Variants in BRF1 observed in about 807,000 individuals in gnomAD.
BRF1 encodes the protein BRF1 general transcription factor IIIB subunit.
In BRF1, 59 loss-of-function variants were observed where a neutral mutation model predicts 81.7. The observed-to-expected ratio is 0.72, with a 90% CI of 0.59 to 0.90. The LOEUF (loss-of-function observed/expected upper bound fraction) is 0.90. Ranked by LOEUF, BRF1 falls within the 40% of genes least tolerant of loss-of-function variation. The pLI is 0.00. For synonymous variants in BRF1, 491 were observed against 395.6 expected, an observed-to-expected ratio of 1.24 and a Z score of -2.86; for missense variants, 1,050 against 936.3, an observed-to-expected ratio of 1.12 and a Z score of -1.58.
At chr14:105,258,713 T>A (rs1414894331) in intron 3 of BRF1, among the ~76,000 whole-genome samples, 1 of 149,364 alleles carries the variant, frequency 6.7e-6, no homozygotes, top group Admixed American at 6.7e-5. Context: ...GTGGGAGAAT[T>A]GCTTGAACCC....
intron 6 of BRF1, among the ~76,000 whole-genome samples, chr14:105,240,993 C>T (rs12587581): frequency 1.3e-5 from 2 of 152,332 alleles, no homozygotes; most frequent in African/African-American, 2.4e-5. Flanking sequence ...CCCATGCAGC[C>T]GCACCCCAGA....
intron 15 of BRF1, among the ~76,000 whole-genome samples, chr14:105,215,798 A>G (rs1344699425): frequency 6.9e-6 from 1 of 145,752 alleles, no homozygotes; most frequent in Non-Finnish European, 1.5e-5. Context: ...ACATGCACAC[A>G]CACTGCATAC....
intron 6 of BRF1, among the ~76,000 whole-genome samples, chr14:105,240,894 C>T (rs1247927754): frequency 3.3e-5 from 5 of 151,230 alleles, no homozygotes; most frequent in African/African-American, 9.8e-5. Flanking sequence ...GTGGCACCCT[C>T]AGGAGCAACA....
At chr14:105,281,969 C>T (rs754689927) in intron 2 of BRF1, among the ~76,000 whole-genome samples, 2 of 152,094 alleles carry the variant, frequency 1.3e-5, no homozygotes, top group African/African-American at 4.8e-5. Flanking sequence ...CTGAGAAACG[C>T]GTCCCAAACG....
chr14:105,290,542 G>C (rs2057472468), intron 1 of BRF1, among the ~76,000 whole-genome samples: 1 of 152,180 alleles, frequency 6.6e-6, no homozygotes, highest in Non-Finnish European at 1.5e-5. Flanking sequence ...GCTTCTGACA[G>C]AACAGGGCCA....
At chr14:105,223,647 G>C (rs1892648484) in intron 10 of BRF1, among the ~76,000 whole-genome samples, 1 of 152,346 alleles carries the variant, frequency 6.6e-6, no homozygotes, top group South Asian at 2.1e-4. Flanking sequence ...GGCAGGAGGG[G>C]GGGTGGTGAC....
At chr14:105,223,393 G>A (rs1595291354) in intron 10 of BRF1, among the ~76,000 whole-genome samples, 3 of 152,080 alleles carry the variant, frequency 2.0e-5, no homozygotes, top group South Asian at 4.1e-4. Context: ...AAGGACTACC[G>A]ACTGCCACAC....
intron 15 of BRF1, 115 bp downstream of exon 15, chr14:105,217,429 C>T: frequency 6.6e-7 from 1 of 1,505,834 alleles, no homozygotes; most frequent in Non-Finnish European, 9.0e-7. Flanking sequence ...GCAAATGCCA[C>T]TCCAGGCACT....
chr14:105,270,323 G>A (rs1226290164), intron 3 of BRF1, among the ~76,000 whole-genome samples: 2 of 151,866 alleles, frequency 1.3e-5, no homozygotes, highest in South Asian at 2.1e-4. Context: ...ACAGGAGCCT[G>A]CCACCACGCC....
chr14:105,248,067 C>T (rs1327719594), intron 5 of BRF1: 6 of 985,392 alleles, frequency 6.1e-6, no homozygotes, highest in Non-Finnish European at 7.2e-6. Context: ...CTTCAGCGCG[C>T]GACTAACCTC....
chr14:105,292,918 A>C (rs2057581604), intron 1 of BRF1, among the ~76,000 whole-genome samples: 1 of 151,820 alleles, frequency 6.6e-6, no homozygotes, highest in South Asian at 2.1e-4. Flanking sequence ...TCCCCAGGCC[A>C]CTGCGGAGGA....
intron 3 of BRF1, among the ~76,000 whole-genome samples, chr14:105,262,818 C>T (rs1403001312): frequency 1.3e-5 from 2 of 152,118 alleles, no homozygotes; most frequent in Non-Finnish European, 2.9e-5. Flanking sequence ...TGTCTCAGCT[C>T]GGGCCTCCTT....
chr14:105,247,088 G>C (rs780568831), intron 5 of BRF1: 1 of 985,338 alleles, frequency 1.0e-6, no homozygotes, highest in African/African-American at 1.7e-5. Context: ...TATGGAAACA[G>C]ACGGCTGGGA....
intron 5 of BRF1, chr14:105,250,786 A>C: frequency 1.8e-6 from 2 of 1,118,602 alleles, no homozygotes; most frequent in East Asian, 5.1e-5. Context: ...TTTGACATGT[A>C]GTCAGCTGAA....
At chr14:105,300,022 G>T (rs2057924760) in intron 1 of BRF1, among the ~76,000 whole-genome samples, 1 of 152,230 alleles carries the variant, frequency 6.6e-6, no homozygotes, top group Non-Finnish European at 1.5e-5. Flanking sequence ...CCCCTCCGAG[G>T]CCTGCAGCAG....
intron 10 of BRF1, chr14:105,222,351 G>A (rs1402719459): frequency 6.3e-6 from 1 of 157,816 alleles, no homozygotes; most frequent in Non-Finnish European, 1.4e-5. Flanking sequence ...ATCTAGAACA[G>A]ATGAAGAATT....
At chr14:105,229,202 A>G (rs587666726) in intron 6 of BRF1, among the ~76,000 whole-genome samples, 9 of 152,312 alleles carry the variant, frequency 5.9e-5, no homozygotes, top group African/African-American at 2.2e-4. Flanking sequence ...AACTAACTCT[A>G]AGATGACTGT....
chr14:105,222,914 C>T (rs1892522900), intron 10 of BRF1, among the ~76,000 whole-genome samples: 1 of 152,204 alleles, frequency 6.6e-6, no homozygotes, highest in Non-Finnish European at 1.5e-5. Flanking sequence ...AGGCGTGAGG[C>T]TCTGCGCCTG....
intron 2 of BRF1, among the ~76,000 whole-genome samples, chr14:105,277,724 T>C (rs2056904758): frequency 6.6e-6 from 1 of 152,248 alleles, no homozygotes; most frequent in Non-Finnish European, 1.5e-5. Flanking sequence ...AAATGGGGGC[T>C]TATGATGACT....
Sources: gnomAD v4.1 joint callset for allele counts (sites outside exome capture counted in the v4.1 genomes callset) on GRCh38, gnomAD v4.1.1 for gene constraint, MANE v1.5 for transcripts, NCBI Gene and HGNC (gene_info 2026-07-23, HGNC 2026-07-21) for gene names.